Variants in SNX14 observed in about 807,000 individuals in gnomAD.
The protein encoded by SNX14 is sorting nexin 14, also known as sorting nexin-14.
A neutral mutation model predicts 133.8 loss-of-function variants in SNX14; 93 were observed. That is an observed-to-expected ratio of 0.70 (90% CI 0.59 to 0.83). The LOEUF is 0.83. Among genes scored for constraint, SNX14 ranks in the 40% least tolerant of loss-of-function variants. The pLI is 0.00. For synonymous variants in SNX14, 368 were observed against 365.6 expected, an observed-to-expected ratio of 1.01 and a Z score of -0.07; for missense variants, 945 against 1,094.9, an observed-to-expected ratio of 0.86 and a Z score of 1.93.
intron 21 of SNX14, among the ~76,000 whole-genome samples, chr6:85,524,714 G>A (rs1778024608): frequency 6.6e-6 from 1 of 151,566 alleles, no homozygotes; most frequent in African/African-American, 2.4e-5. Context: ...AACCTGGGAG[G>A]TGGAGGCTGC....
chr6:85,524,229 T>G (rs566965664), intron 21 of SNX14, among the ~76,000 whole-genome samples: 39 of 151,792 alleles, frequency 2.6e-4, no homozygotes, highest in Non-Finnish European at 4.9e-4. Flanking sequence ...AGAGAAACAT[T>G]TATATATAGG....
intron 21 of SNX14, among the ~76,000 whole-genome samples, chr6:85,520,060 T>C (rs963932028): frequency 8.6e-5 from 13 of 151,878 alleles, no homozygotes; most frequent in Admixed American, 6.6e-5. Context: ...GTAGTAGTAA[T>C]AGTAGTAGAG....
chr6:85,567,143 TTCTACAA>T (rs1393709248), intron 5 of SNX14, among the ~76,000 whole-genome samples: 1 of 152,226 alleles, frequency 6.6e-6, no homozygotes, highest in African/African-American at 2.4e-5. Flanking sequence ...TGATAAGGAA[TTCTACAA>T]GTTACTTTTC....
At chr6:85,515,735 A>T (rs1774741694) in intron 23 of SNX14, among the ~76,000 whole-genome samples, 1 of 152,088 alleles carries the variant, frequency 6.6e-6, no homozygotes, top group Non-Finnish European at 1.5e-5. Flanking sequence ...CTGATATATT[A>T]TTCCCTCTAC....
At chr6:85,592,930 C>A (rs1803330181) in intron 1 of SNX14, among the ~76,000 whole-genome samples, 1 of 152,074 alleles carries the variant, frequency 6.6e-6, no homozygotes, top group Admixed American at 6.6e-5. Flanking sequence ...AGGAGAATGG[C>A]GTGAACCCGG....
At chr6:85,532,775 T>G (rs535978773) in intron 18 of SNX14, among the ~76,000 whole-genome samples, 2 of 152,338 alleles carry the variant, frequency 1.3e-5, no homozygotes, top group South Asian at 4.1e-4. Context: ...TTTATCCTGC[T>G]ACATACAGAT....
At chr6:85,583,687 C>A (rs999916086) in intron 1 of SNX14, among the ~76,000 whole-genome samples, 1 of 152,172 alleles carries the variant, frequency 6.6e-6, no homozygotes, top group Non-Finnish European at 1.5e-5. Context: ...ATACAATTTA[C>A]AAGGGATGTG....
rs192944952 is a variant in SNX14, at chr6:85,546,161, G to A, written c.1108+951C>T. ...CAGTGATTGCTTTGGCAGGAGTAGG[G>A]GAAAGAGTGGATCTCTTGGGAAGGA... On this transcript the variant is annotated intron_variant, in intron 12 of 28. Transcript: ENST00000314673. 8.5e-5 allele frequency among the ~76,000 whole-genome samples: 13 copies of A among 152,296 alleles called. No individual in the cohort carries two copies. In the East Asian group the frequency reaches 2.3e-3, roughly 27 times the overall value.
intron 19 of SNX14, among the ~76,000 whole-genome samples, chr6:85,529,341 GGAAACGAAGGAAGAAA>G (rs1438900077): frequency 6.7e-6 from 1 of 148,720 alleles, no homozygotes; most frequent in Non-Finnish European, 1.5e-5. Context: ...AAGGAAACAA[GGAAACGAAGGAAGAAA>G]GAAAGGAAGG....
intron 6 of SNX14, among the ~76,000 whole-genome samples, chr6:85,564,800 TA>T (rs1293570343): frequency 1.3e-5 from 2 of 151,870 alleles, no homozygotes; most frequent in Non-Finnish European, 2.9e-5. Flanking sequence ...CCATCCTGGC[TA>T]ACACGGTGAA....
chr6:85,547,543 A>C lies in SNX14; in HGVS notation c.875T>G (p.Val292Gly). ...SLDFLADPDT[V>G]NHLLIIFIDD... ...TATGAAGATGATAAGCAAATGATTC[A>C]CAGTATCCTAGTGGAAAATAATAAA... Residue 292 changes from valine to glycine, a missense_variant, in exon 10 of 29, where the codon GTG becomes GGG. By Grantham distance (109) the Val-to-Gly change is moderately radical. Coordinates refer to ENST00000314673, the MANE Select transcript of SNX14 (RefSeq NM_153816.6). 1 of 1,601,160 alleles carries C rather than the reference A, an allele frequency of 6.2e-7. No individual in the cohort carries two copies. The highest frequency in any genetic ancestry group is 8.5e-7 in the Non-Finnish European group (1 of 1,175,432).
rs183714353 is a variant in SNX14 at position 85,549,932 on chromosome 6, T to G, written c.635-53A>C. The stretch of plus-strand genomic sequence containing the variant: ...ACAAGTTAAGTGACATTAAATAATT[T>G]CGGTCATTTCCACTAACAAATAGAA... On this transcript the variant is annotated intron_variant, in intron 7 of 28. Transcript: ENST00000314673. 3,438 of 1,495,952 alleles carry G rather than the reference T, an allele frequency of 2.3e-3. 10 individuals carry two copies. Among genetic ancestry groups the G allele is most frequent in the Non-Finnish European group, 2.9e-3 (3,224 of 1,098,330 alleles). The allele number at this position is 1,495,952 out of a possible 1,614,324, so 92.7% of individuals were successfully genotyped here. A position where few individuals can be genotyped will look rare whatever the true frequency, so the allele number is the denominator to read the frequency against.
intron 19 of SNX14, among the ~76,000 whole-genome samples, chr6:85,529,542 G>A (rs888136643): frequency 6.6e-6 from 1 of 152,194 alleles, no homozygotes; most frequent in African/African-American, 2.4e-5. Context: ...GAGAAAGAAC[G>A]AGGATGGTAC....
At chr6:85,543,103 A>G (rs1401013707) in intron 14 of SNX14, 79 bp downstream of exon 14, 2 of 1,253,264 alleles carry the variant, frequency 1.6e-6, no homozygotes, top group Non-Finnish European at 2.1e-6. Context: ...TTGTTATTTG[A>G]ATCACTCATC....
At chr6:85,572,500 TTAAC>T in intron 2 of SNX14, 126 bp from the exon 3 acceptor site, 1 of 711,022 alleles carries the variant, frequency 1.4e-6, no homozygotes, top group South Asian at 1.9e-5. Flanking sequence ...TTTGTCTACT[TTAAC>T]AGTGAAATCT....
intron 7 of SNX14, among the ~76,000 whole-genome samples, chr6:85,552,897 T>C (rs1288433672): frequency 2.6e-5 from 4 of 152,230 alleles, no homozygotes; most frequent in East Asian, 1.9e-4. Flanking sequence ...TCTTAACCAA[T>C]GCAAACCAAA....
Position 85,548,369 on chromosome 6 carries a change from T to G in SNX14, c.799A>C (p.Thr267Pro). 1 of 1,593,348 alleles carries G rather than the reference T, an allele frequency of 6.3e-7. No individual in the cohort carries two copies. Among genetic ancestry groups the G allele is most frequent in the South Asian group, 1.2e-5 (1 of 86,546 alleles). Reference protein sequence around the residue: ...PPKATDCRSLTLLIREILSGS... With the variant: ...PPKATDCRSLPLLIREILSGS... ...GACAGAATCTCTCTTATAAGTAAGGTCAGAGATCTGGAAAAAGAAATAATA... is the reference window on the plus strand; with the variant it reads ...GACAGAATCTCTCTTATAAGTAAGGGCAGAGATCTGGAAAAAGAAATAATA... Residue 267 changes from threonine (T) to proline (P), a missense_variant, in exon 9 of 29, where the codon ACC (threonine) becomes CCC (proline). Thr to Pro is a conservative substitution (Grantham distance 38, BLOSUM62 -1). This residue lies in a region of SNX14 where 514 missense variants were observed against 538.8 expected (regional missense o/e 0.95). Coordinates refer to ENST00000314673, the MANE Select transcript of SNX14 (RefSeq NM_153816.6).
intron 9 of SNX14, among the ~76,000 whole-genome samples, chr6:85,547,780 T>A (rs1786207748): frequency 6.6e-6 from 1 of 152,224 alleles, no homozygotes; most frequent in Non-Finnish European, 1.5e-5. Flanking sequence ...ATTTTGGCAT[T>A]TAAAATATTT....
At chr6:85,554,880 G>T (rs1789129065) in intron 7 of SNX14, among the ~76,000 whole-genome samples, 2 of 151,264 alleles carry the variant, frequency 1.3e-5, no homozygotes, top group African/African-American at 4.9e-5. Flanking sequence ...AGTGTAATTG[G>T]GTGATCATAG....
Sources: allele counts gnomAD v4.1 joint callset (sites outside exome capture counted in the v4.1 genomes callset), GRCh38; gene constraint gnomAD v4.1.1; regional missense constraint gnomAD v4.1.1; transcripts MANE v1.5; gene names NCBI Gene and HGNC (gene_info 2026-07-23, HGNC 2026-07-21).